PPP1R13B: variants seen among roughly 807,000 people sequenced by gnomAD.
The protein encoded by PPP1R13B is apoptosis-stimulating of p53 protein 1.
Under a neutral mutation model 119.8 loss-of-function variants are expected in PPP1R13B, and 44 were observed. That is an observed-to-expected ratio of 0.37 (90% CI 0.29 to 0.47). The LOEUF is 0.47. PPP1R13B is among the 20% of genes least tolerant of loss of function. The probability of loss-of-function intolerance (pLI) is 0.99; values close to 1 mark genes in which losing one functional copy is unlikely to be tolerated. For missense variants in PPP1R13B, 1,227 were observed against 1,413.5 expected (o/e 0.87, Z 2.12); for synonymous variants, 542 against 561.5 (o/e 0.97, Z 0.49).
At chr14:103,786,359 T>C (rs1012405469) in intron 2 of PPP1R13B, among the ~76,000 whole-genome samples, 8 of 152,190 alleles carry the variant, frequency 5.3e-5, no homozygotes, top group Non-Finnish European at 1.2e-4. Flanking sequence ...AACCAATTAC[T>C]TGAGAAGAGC....
intron 7 of PPP1R13B, 115 bp downstream of exon 7, chr14:103,752,885 T>C (rs2084585958): frequency 8.8e-7 from 1 of 1,138,888 alleles, no homozygotes; most frequent in Non-Finnish European, 1.2e-6. Flanking sequence ...TTGTGCCTAT[T>C]ATTAAATTAG....
At chr14:103,757,894 C>G (rs2084715904) in intron 4 of PPP1R13B, 143 bp from the exon 5 acceptor site, 1 of 551,950 alleles carries the variant, frequency 1.8e-6, no homozygotes, top group South Asian at 3.1e-5. Flanking sequence ...CTTGTAAGAA[C>G]TTTTCCTAAT....
At chr14:103,778,288 C>T (rs1196969154) in intron 4 of PPP1R13B, among the ~76,000 whole-genome samples, 3 of 104,262 alleles carry the variant, frequency 2.9e-5, no homozygotes, top group Non-Finnish European at 5.7e-5. Flanking sequence ...TTTTTTGACA[C>T]GGAGTCTCTA....
chr14:103,796,300 T>TA (rs1323435032), intron 2 of PPP1R13B, among the ~76,000 whole-genome samples: 5 of 151,444 alleles, frequency 3.3e-5, no homozygotes, highest in Admixed American at 3.3e-4. Context: ...AATAAATAAA[T>TA]AAATAGGCAA....
chr14:103,757,922 A>G (rs2084716703), intron 4 of PPP1R13B, among the ~76,000 whole-genome samples, 171 bp from the exon 5 acceptor site: 1 of 152,232 alleles, frequency 6.6e-6, no homozygotes, highest in South Asian at 2.1e-4. Flanking sequence ...TGCTTTTATG[A>G]AATATAAATA....
intron 4 of PPP1R13B, among the ~76,000 whole-genome samples, chr14:103,769,740 G>T (rs376159625): frequency 3.0e-4 from 45 of 152,176 alleles, no homozygotes; most frequent in African/African-American, 9.2e-4. Context: ...TGAAGAGTAG[G>T]TTTTACTTGC....
Position 103,753,111 on chromosome 14 carries a change from A to G in PPP1R13B, c.717T>C (p.Ser239=). The G allele has an allele frequency of 2.5e-6, 4 of 1,613,974 alleles. No homozygotes were observed. The highest frequency in any genetic ancestry group is 3.4e-6 in the Non-Finnish European group (4 of 1,180,036). ...CTTTCTTTAAATCTTCCAATTGCTG[A>G]CTAAGCTGATCAACCCTTAAAATTG... ...QTAILRVDQL[S]QQLEDLKKGK... Residue 239 remains serine, a synonymous_variant, in exon 7 of 17, where the codon AGT becomes AGC. Transcript: ENST00000202556.
intron 4 of PPP1R13B, among the ~76,000 whole-genome samples, chr14:103,773,520 A>C (rs575669853): frequency 5.9e-5 from 9 of 152,290 alleles, no homozygotes; most frequent in South Asian, 2.1e-4. Context: ...TTTTTACATC[A>C]AATAATATAA....
chr14:103,781,675 AC>A (rs2085337459), intron 3 of PPP1R13B, among the ~76,000 whole-genome samples: 1 of 152,032 alleles, frequency 6.6e-6, no homozygotes, highest in South Asian at 2.1e-4. Flanking sequence ...TTTTTGAAAC[AC>A]AGTCTCGCTC....
chr14:103,778,635 C>A (rs2085266981), intron 4 of PPP1R13B, 110 bp downstream of exon 4: 13 of 816,192 alleles, frequency 1.6e-5, no homozygotes, highest in Non-Finnish European at 2.7e-5. Context: ...CAAACTCCTG[C>A]CCTCATGTGA....
chr14:103,772,957 G>C (rs973002805), intron 4 of PPP1R13B, among the ~76,000 whole-genome samples: 1 of 152,136 alleles, frequency 6.6e-6, no homozygotes, highest in Non-Finnish European at 1.5e-5. Context: ...ATGAGCCATT[G>C]AGCTCGGCCT....
Position 103,778,788 on chromosome 14 carries a change from C to G in PPP1R13B, c.311G>C (p.Arg104Thr). ...TTCTCCAGGTACATTTATTACATTT[C>G]TCTGAGTTCGTTGCTCTTGGGTCTG... ...GRQTQEQRTQ[R>T]NVINVPGEKR... Residue 104 changes from arginine to threonine, a missense_variant, in exon 4 of 17, where the codon AGA becomes ACA. Arg to Thr is a moderately conservative substitution (Grantham distance 71). Transcript: ENST00000202556. 1 of 1,614,018 alleles carries G rather than the reference C, an allele frequency of 6.2e-7. No individual in the cohort carries two copies. The highest frequency in any genetic ancestry group is 8.5e-7 in the Non-Finnish European group (1 of 1,179,948).
At chr14:103,810,934 A>T (rs1380226214) in intron 1 of PPP1R13B, among the ~76,000 whole-genome samples, 1 of 151,010 alleles carries the variant, frequency 6.6e-6, no homozygotes, top group Non-Finnish European at 1.5e-5. Flanking sequence ...ACTAAAAAAA[A>T]AAAAAAAATT....
chr14:103,810,975 C>T (rs565410885), intron 1 of PPP1R13B, among the ~76,000 whole-genome samples: 45 of 150,308 alleles, frequency 3.0e-4, no homozygotes, highest in Admixed American at 5.3e-4. Flanking sequence ...GCCTGTAATT[C>T]CACCTAACTC....
At chr14:103,752,323 CAG>C (rs2084568262) in intron 7 of PPP1R13B, among the ~76,000 whole-genome samples, 1 of 152,140 alleles carries the variant, frequency 6.6e-6, no homozygotes, top group African/African-American at 2.4e-5. Context: ...GGCAAATCTA[CAG>C]AGACAGAAAG....
chr14:103,738,453 CAGAA>C lies in PPP1R13B; in HGVS notation c.2864+222_2864+225del. ...AGACTGCAATGTTAATGACGAGGCA[CAGAA>C]AGAGCATAACCACAGCCACGTTTTT... is the stretch of plus-strand genomic sequence containing the variant. On this transcript the variant is annotated intron_variant, in intron 14 of 16. Coordinates refer to ENST00000202556, the MANE Select transcript of PPP1R13B (RefSeq NM_015316.3). The surrounding 1 kb of genome is among the most constrained non-coding windows in gnomAD (Gnocchi z 5.6). 1.6e-6 allele frequency: 1 copy of C among 614,446 alleles called. No homozygotes were observed. Among genetic ancestry groups the C allele is most frequent in the East Asian group, 3.0e-5 (1 of 33,840 alleles). 38.1% of individuals were successfully genotyped at this position (614,446 alleles called of 1,614,324 possible). A position where few individuals can be genotyped will look rare whatever the true frequency, so the allele number is the denominator to read the frequency against.
At chr14:103,744,712 G>A (rs1379636301) in intron 9 of PPP1R13B, among the ~76,000 whole-genome samples, 1 of 152,208 alleles carries the variant, frequency 6.6e-6, no homozygotes, top group Non-Finnish European at 1.5e-5. Context: ...GTTTACTGTG[G>A]CCATCTGTGT....
At chr14:103,771,000 G>A (rs1489998115) in intron 4 of PPP1R13B, among the ~76,000 whole-genome samples, 3 of 152,144 alleles carry the variant, frequency 2.0e-5, no homozygotes, top group African/African-American at 7.2e-5. Context: ...AGTCCAAGAG[G>A]AGATGCCCAC....
rs1257281006 is a variant in PPP1R13B, at chr14:103,847,066, G to A, written c.9+233C>T. ...GCATCTGCTTCTCCCCGCGGCCGCG[G>A]AGGCCGAGCAGGAAGGGCCCGCAGG... On this transcript the variant is annotated intron_variant, in intron 1 of 16. Transcript: ENST00000202556. 8 of 1,015,348 alleles carry A rather than the reference G, an allele frequency of 7.9e-6. No homozygotes were observed. In the African/African-American group the frequency reaches 1.4e-4, roughly 18 times the overall value. 62.9% of individuals were successfully genotyped at this position (1,015,348 alleles called of 1,614,324 possible).
Sources: gnomAD v4.1 joint callset for allele counts (sites outside exome capture counted in the v4.1 genomes callset) on GRCh38, gnomAD v4.1.1 for gene constraint, Gnocchi (gnomAD v3.1) non-coding constraint, MANE v1.5 for transcripts, NCBI Gene and HGNC (gene_info 2026-07-23, HGNC 2026-07-21) for gene names.